Variants in TRADD observed in about 807,000 individuals in gnomAD.
TRADD encodes TNFRSF1A associated via death domain.
TRADD carries 14 observed loss-of-function variants against 31.5 expected under a neutral mutation model. That is an observed-to-expected ratio of 0.44 (90% CI 0.29 to 0.69). The LOEUF (loss-of-function observed/expected upper bound fraction) is 0.69. TRADD is among the 30% of genes least tolerant of loss of function. The pLI is 0.11. For missense variants in TRADD, 388 were observed against 435.7 expected (o/e 0.89, Z 0.97); for synonymous variants, 220 against 215.8 (o/e 1.02, Z -0.17).
At position 67,154,526 on chromosome 16, in the gene TRADD, G is replaced by T; in HGVS notation, c.*123C>A. 8.1e-7 allele frequency: 1 copy of T among 1,230,412 alleles called. No homozygotes were observed. The highest frequency in any genetic ancestry group is 1.1e-6 in the Non-Finnish European group (1 of 874,072). The allele number at this position is 1,230,412 out of a possible 1,614,324, so 76.2% of individuals were successfully genotyped here. On this transcript the variant is annotated 3_prime_UTR_variant, in exon 5 of 5. Coordinates refer to ENST00000345057, the MANE Select transcript of TRADD (RefSeq NM_003789.4). The surrounding 1 kb of genome is among the most constrained non-coding windows in gnomAD (Gnocchi z 5.2). ...GGGGAAGGCAATCAACTCTGCCCCA[G>T]CAGGTCCAGCAGATAGGCCAAGTGG...
intron 4 of TRADD, 66 bp downstream of exon 4, chr16:67,155,030 C>T (rs932856447): frequency 6.5e-7 from 1 of 1,549,016 alleles, no homozygotes; most frequent in Admixed American, 1.9e-5. Context: ...CCCCACCCGG[C>T]AACGACCCCT....
In TRADD at chr16:67,154,578, G is replaced by A. The variant is rs2030582052; in HGVS notation, c.*71C>T. 5.2e-6 allele frequency: 8 copies of A among 1,541,902 alleles called. No homozygotes were observed. Among genetic ancestry groups the A allele is most frequent in the Non-Finnish European group, 7.0e-6 (8 of 1,140,710 alleles). On this transcript the variant is annotated 3_prime_UTR_variant, in exon 5 of 5. Coordinates refer to ENST00000345057, the MANE Select transcript of TRADD (RefSeq NM_003789.4). The surrounding 1 kb of genome is among the most constrained non-coding windows in gnomAD (Gnocchi z 5.2). ...GTTTCAGGGTCCCGTGGATGGACAG[G>A]GGTTCAGCAATAGCCGCAGAAGGAA... is the stretch of plus-strand genomic sequence containing the variant.
Position 67,154,870 on chromosome 16 carries a change from C to T in TRADD, c.718G>A (p.Gly240Ser), listed in dbSNP as rs775882606. 1.3e-6 allele frequency: 2 copies of T among 1,599,176 alleles called. No homozygotes were observed. Among genetic ancestry groups the T allele is most frequent in the Admixed American group, 1.7e-5 (1 of 58,578 alleles). ...WRKVGRSLQR[G>S]CRALRDPALD... ...GCCGGGTCCCGCAGCGCCCGGCAGC[C>T]TCGCTGCAGTGAGCGCCCCACCTTG... is the stretch of plus-strand genomic sequence containing the variant. The change falls in exon 5 of 5, where the codon GGC (glycine) becomes AGC (serine). Residue 240 changes from glycine (G) to serine (S), a missense_variant. Transcript: ENST00000345057. The surrounding 1 kb of genome is among the most constrained non-coding windows in gnomAD (Gnocchi z 5.2).
rs1302000853 is a variant in TRADD, at chr16:67,155,557, A to T, written c.249T>A (p.Cys83Ter). The T allele has an allele frequency of 1.3e-6, 2 of 1,526,102 alleles. No individual in the cohort carries two copies. The highest frequency in any genetic ancestry group is 1.7e-6 in the Non-Finnish European group (2 of 1,144,210). 94.5% of individuals were successfully genotyped at this position (1,526,102 alleles called of 1,614,324 possible). A position where few individuals can be genotyped will look rare whatever the true frequency, so the allele number is the denominator to read the frequency against. Residue 83 changes from cysteine (C) to a stop codon, truncating the protein, a stop_gained, in exon 3 of 5, where the codon TGT (cysteine) becomes TGA (stop). Coordinates refer to ENST00000345057, the MANE Select transcript of TRADD (RefSeq NM_003789.4). LOFTEE classifies it high-confidence loss of function. ...VQLRFCGRQP[C>*]GRFLRAYREG... ...CGCGGTAGGCGCGGAGGAAGCGGCC[A>T]CAGGGCTGCCGCCCGCAGAATCGCA...
intron 1 of TRADD, among the ~76,000 whole-genome samples, chr16:67,158,220 C>T (rs1410831887): frequency 1.3e-5 from 2 of 152,256 alleles, no homozygotes; most frequent in Non-Finnish European, 2.9e-5. Flanking sequence ...GGCTGGAGTG[C>T]AGTGGCACTA....
At position 67,156,217 on chromosome 16, in the gene TRADD, A is replaced by G. The variant is rs1034804594; in HGVS notation, c.151+293T>C. On this transcript the variant is annotated intron_variant, in intron 2 of 4. Transcript: ENST00000345057. This position sits in a 1 kb window ranked among gnomAD's most constrained non-coding sequence, Gnocchi z 4.6. ...AAGGAGTGCTGCAGTAAGAGAGGAA[A>G]AGAGGAGAGAGACATCCACAATTAG... 11 of 1,448,896 alleles carry G rather than the reference A, an allele frequency of 7.6e-6. No individual in the cohort carries two copies. The African/African-American group carries it at 1.5e-4, about 20-fold the overall frequency. The allele number at this position is 1,448,896 out of a possible 1,614,324, so 89.8% of individuals were successfully genotyped here.
chr16:67,159,245 C>T lies in TRADD; in HGVS notation c.-9+593G>A, dbSNP rs1346435084. Among the ~76,000 whole-genome samples, 2 of 152,224 alleles carry T rather than the reference C, an allele frequency of 1.3e-5. No individual in the cohort carries two copies. The highest frequency in any genetic ancestry group is 2.9e-5 in the Non-Finnish European group (2 of 68,036). On this transcript the variant is annotated intron_variant, in intron 1 of 4. Transcript: ENST00000345057. The surrounding 1 kb of genome is among the most constrained non-coding windows in gnomAD (Gnocchi z 6.8). ...GCTGGGTCCTGAGAAAGTTTGGTGG[C>T]CGGAGACTGTGGGGCGCTTAGGTAC...
At position 67,156,257 on chromosome 16, in the gene TRADD, C is replaced by T; in HGVS notation, c.151+253G>A. On this transcript the variant is annotated intron_variant, in intron 2 of 4. Transcript: ENST00000345057. The surrounding 1 kb of genome is among the most constrained non-coding windows in gnomAD (Gnocchi z 4.6). ...TCCACAATTAGTAGAAAGGAGTGAG[C>T]CGGCTGGTGGAGGGGGGCGGGGATG... 1.4e-6 allele frequency: 2 copies of T among 1,394,540 alleles called. No individual in the cohort carries two copies. Among genetic ancestry groups the T allele is most frequent in the South Asian group, 1.3e-5 (1 of 75,374 alleles). 86.4% of individuals were successfully genotyped at this position (1,394,540 alleles called of 1,614,324 possible). A position where few individuals can be genotyped will look rare whatever the true frequency, so the allele number is the denominator to read the frequency against.
At position 67,155,700 on chromosome 16, in the gene TRADD, C is replaced by T. The variant is rs772322995; in HGVS notation, c.152-46G>A. On this transcript the variant is annotated intron_variant, in intron 2 of 4. Transcript: ENST00000345057. ...GCGCCGGGCGGTCCCCAAGCTCGGC[C>T]GTTCTCCAAACGGCCGGAGGAGGGG... is the stretch of plus-strand genomic sequence containing the variant. 28 of 1,525,140 alleles carry T rather than the reference C, an allele frequency of 1.8e-5. No individual in the cohort carries two copies. In the African/African-American group the frequency reaches 3.3e-4, roughly 18 times the overall value. 94.5% of individuals were successfully genotyped at this position (1,525,140 alleles called of 1,614,324 possible). A position where few individuals can be genotyped will look rare whatever the true frequency, so the allele number is the denominator to read the frequency against.
At position 67,156,685 on chromosome 16, in the gene TRADD, T is replaced by G; in HGVS notation, c.-8-17A>C. The G allele has an allele frequency of 6.2e-7, 1 of 1,609,690 alleles. No homozygotes were observed. The highest frequency in any genetic ancestry group is 8.5e-7 in the Non-Finnish European group (1 of 1,179,856). ...TCTCACCTCCTGGAGATGCAGACAGTCAGGTATCCAGTTCATCCCCCCTCC... is the reference window on the plus strand; with the variant it reads ...TCTCACCTCCTGGAGATGCAGACAGGCAGGTATCCAGTTCATCCCCCCTCC... On this transcript the variant is annotated splice_polypyrimidine_tract_variant and intron_variant, in intron 1 of 4. Coordinates refer to ENST00000345057, the MANE Select transcript of TRADD (RefSeq NM_003789.4). This position sits in a 1 kb window ranked among gnomAD's most constrained non-coding sequence, Gnocchi z 4.6.
In TRADD at chr16:67,156,225, A is replaced by C; in HGVS notation, c.151+285T>G. On this transcript the variant is annotated intron_variant, in intron 2 of 4. Coordinates refer to ENST00000345057, the MANE Select transcript of TRADD (RefSeq NM_003789.4). The surrounding 1 kb of genome is among the most constrained non-coding windows in gnomAD (Gnocchi z 4.6). ...CTGCAGTAAGAGAGGAAAAGAGGAG[A>C]GAGACATCCACAATTAGTAGAAAGG... 1 of 1,456,366 alleles carries C rather than the reference A, an allele frequency of 6.9e-7. No homozygotes were observed. 90.2% of individuals were successfully genotyped at this position (1,456,366 alleles called of 1,614,324 possible).
Position 67,155,581 on chromosome 16 carries a change from C to CA in TRADD, c.224dup (p.Arg76AlafsTer75), listed in dbSNP as rs2030659995. 3 of 1,544,376 alleles carry CA rather than the reference C, an allele frequency of 1.9e-6. No individual in the cohort carries two copies. The highest frequency in any genetic ancestry group is 2.6e-6 in the Non-Finnish European group (3 of 1,152,782). The stretch of plus-strand genomic sequence containing the variant: ...CACAGGGCTGCCGCCCGCAGAATCG[C>CA]AGCTGCACGATCAGCTGCGGGTCGC... On this transcript the variant is annotated frameshift_variant, in exon 3 of 5. Transcript: ENST00000345057. LOFTEE classifies it high-confidence loss of function.
At chr16:67,157,186 T>C (rs985262806) in intron 1 of TRADD, among the ~76,000 whole-genome samples, 1 of 152,202 alleles carries the variant, frequency 6.6e-6, no homozygotes, top group African/African-American at 2.4e-5. Context: ...ACCTGTAGTT[T>C]GCATCTACCC....
In TRADD at chr16:67,155,262, C is replaced by T; in HGVS notation, c.462G>A (p.Glu154=). The change falls in exon 4 of 5, where the codon GAG becomes GAA. Residue 154 remains glutamate, a synonymous_variant. Coordinates refer to ENST00000345057, the MANE Select transcript of TRADD (RefSeq NM_003789.4). The part of the protein sequence containing the change: ...PDRLRDEELA[E]LEDALRNLKC... The stretch of plus-strand genomic sequence containing the variant: ...TCAGATTTCGCAGCGCATCCTCCAG[C>T]TCAGCCAGTTCTTCATCCCGGAGCC... 1.2e-6 allele frequency: 2 copies of T among 1,610,070 alleles called. No homozygotes were observed. The highest frequency in any genetic ancestry group is 8.5e-7 in the Non-Finnish European group (1 of 1,179,058).
chr16:67,156,285 G>T lies in TRADD; in HGVS notation c.151+225C>A. 8.5e-7 allele frequency: 1 copy of T among 1,172,194 alleles called. No individual in the cohort carries two copies. The highest frequency in any genetic ancestry group is 1.2e-6 in the Non-Finnish European group (1 of 836,898). 72.6% of individuals were successfully genotyped at this position (1,172,194 alleles called of 1,614,324 possible). ...GCTGGTGGAGGGGGGCGGGGATGGA[G>T]CAAAGGACGTTAGTGCACAAATTGG... is the stretch of plus-strand genomic sequence containing the variant. On this transcript the variant is annotated intron_variant, in intron 2 of 4. Transcript: ENST00000345057. The surrounding 1 kb of genome is among the most constrained non-coding windows in gnomAD (Gnocchi z 4.6).
In TRADD at chr16:67,155,638, C is replaced by A; in HGVS notation, c.168G>T (p.Pro56=). ...GGATCTTCAGCATCTGCAGCACGTC[C>A]GGGCTCCCGCCGCTCTCTGCGGAGG... ...QAALAESGGS[P]DVLQMLKIHR... is the part of the protein sequence containing the mutation. Residue 56 remains proline (P), a synonymous_variant, in exon 3 of 5, where the codon CCG becomes CCT. Transcript: ENST00000345057. 6.4e-7 allele frequency: 1 copy of A among 1,550,398 alleles called. No homozygotes were observed. The highest frequency in any genetic ancestry group is 1.4e-5 in the African/African-American group (1 of 73,880).
chr16:67,156,240 T>C lies in TRADD; in HGVS notation c.151+270A>G. On this transcript the variant is annotated intron_variant, in intron 2 of 4. Coordinates refer to ENST00000345057, the MANE Select transcript of TRADD (RefSeq NM_003789.4). The surrounding 1 kb of genome is among the most constrained non-coding windows in gnomAD (Gnocchi z 4.6). ...AAAAGAGGAGAGAGACATCCACAAT[T>C]AGTAGAAAGGAGTGAGCCGGCTGGT... 1 of 1,451,680 alleles carries C rather than the reference T, an allele frequency of 6.9e-7. No homozygotes were observed. The highest frequency in any genetic ancestry group is 9.2e-7 in the Non-Finnish European group (1 of 1,090,530). 89.9% of individuals were successfully genotyped at this position (1,451,680 alleles called of 1,614,324 possible).
rs140751015 is a variant in TRADD at position 67,155,146 on chromosome 16, G to A, written c.578C>T (p.Pro193Leu). ...AGTCTGGGCAGGTGGCGGCGGCGGC[G>A]GCGGCTTCACCTCCGACAGAGAGGG... ...PVPSLSEVKPPPPPPPAQTFL... is the reference protein window; with the variant it reads ...PVPSLSEVKPLPPPPPAQTFL... The change falls in exon 4 of 5, where the codon CCG (proline) becomes CTG (leucine). Residue 193 changes from proline (P) to leucine (L), a missense_variant. Physicochemically the swap from Pro to Leu is moderately conservative, Grantham distance 98 (BLOSUM62 -3). Transcript: ENST00000345057. 1,629 of 1,548,516 alleles carry A rather than the reference G, an allele frequency of 1.1e-3. 8 individuals are homozygous for A. In the African/African-American group the frequency reaches 0.012, roughly 12 times the overall value.
chr16:67,154,500 TG>T lies in TRADD; in HGVS notation c.*148del. On this transcript the variant is annotated 3_prime_UTR_variant, in exon 5 of 5. Transcript: ENST00000345057. The surrounding 1 kb of genome is among the most constrained non-coding windows in gnomAD (Gnocchi z 5.2). ...GATGCACCCCCAGTGGTCTGGCTCC[TG>T]GGGAAGGCAATCAACTCTGCCCCAG... The T allele has an allele frequency of 1.0e-6, 1 of 970,020 alleles. No homozygotes were observed. Among genetic ancestry groups the T allele is most frequent in the Non-Finnish European group, 1.5e-6 (1 of 646,242 alleles). 60.1% of individuals were successfully genotyped at this position (970,020 alleles called of 1,614,324 possible).
Sources: gnomAD v4.1 joint callset for allele counts (sites outside exome capture counted in the v4.1 genomes callset) on GRCh38, gnomAD v4.1.1 for gene constraint, Gnocchi (gnomAD v3.1) non-coding constraint, MANE v1.5 for transcripts, NCBI Gene and HGNC (gene_info 2026-07-23, HGNC 2026-07-21) for gene names.